NUDT14: variants seen among roughly 807,000 people sequenced by gnomAD.
NUDT14 encodes nudix hydrolase 14.
NUDT14 carries 22 observed loss-of-function variants against 17.5 expected under a neutral mutation model. The ratio of observed to expected loss-of-function variants is 1.26; its 90% CI spans 0.90 to 1.80. The LOEUF (loss-of-function observed/expected upper bound fraction) is 1.80, where lower values mean the gene tolerates loss of function less well. NUDT14 is among the 40% of genes most tolerant of loss of function. NUDT14 has a pLI of 0.00. For missense variants in NUDT14, 296 were observed against 295.6 expected, an observed-to-expected ratio of 1.00 and a Z score of -0.01; for synonymous variants, 129 against 125.8, an observed-to-expected ratio of 1.03 and a Z score of -0.17.
intron 2 of NUDT14, 161 bp from the exon 3 acceptor site, chr14:105,177,188 G>A (rs1595200341): frequency 1.5e-6 from 1 of 682,712 alleles, no homozygotes; most frequent in Non-Finnish European, 2.6e-6. Context: ...GCCCAGGCGG[G>A]ACCAGAGCTT....
In NUDT14 at chr14:105,181,227, CGGG is replaced by C. The variant is rs1417594977; in HGVS notation, c.-21_-19del. On this transcript the variant is annotated 5_prime_UTR_variant, in exon 1 of 5. Coordinates refer to ENST00000392568, the MANE Select transcript of NUDT14 (RefSeq NM_177533.5). This position sits in a 1 kb window ranked among gnomAD's most constrained non-coding sequence, Gnocchi z 5.0. ...CGCTCCATGGCGGCGCCCGGACAGG[CGGG>C]GGCCGCGAGCTCTGCGGGGGCCGAC... is the stretch of plus-strand genomic sequence containing the variant. 2.7e-3 allele frequency: 701 copies of C among 262,064 alleles called. 3 individuals carry two copies. Among genetic ancestry groups the C allele is most frequent in the Non-Finnish European group, 3.2e-3 (668 of 210,154 alleles). 16.2% of individuals were successfully genotyped at this position (262,064 alleles called of 1,614,324 possible). A position where few individuals can be genotyped will look rare whatever the true frequency, so the allele number is the denominator to read the frequency against.
intron 1 of NUDT14, 158 bp from the exon 2 acceptor site, chr14:105,177,893 G>A: frequency 1.6e-6 from 1 of 634,566 alleles, no homozygotes; most frequent in South Asian, 1.8e-5. Flanking sequence ...CGTGGGCAGA[G>A]GAGCAAGCAG....
At chr14:105,177,758 T>C in intron 1 of NUDT14, 23 bp from the exon 2 acceptor site, 1 of 1,610,896 alleles carries the variant, frequency 6.2e-7, no homozygotes, top group Non-Finnish European at 8.5e-7. Context: ...GGTCAGCGGT[T>C]AGAATGTCCC....
chr14:105,176,810 G>C (rs1595200015), intron 3 of NUDT14, 39 bp from the exon 4 acceptor site: 6 of 1,594,444 alleles, frequency 3.8e-6, no homozygotes, highest in South Asian at 1.1e-5. Flanking sequence ...ACAGCCACGT[G>C]GTGGCCACCT....
At chr14:105,176,488 C>T (rs1595199668) in intron 4 of NUDT14, 46 bp downstream of exon 4, 2 of 1,464,286 alleles carry the variant, frequency 1.4e-6, no homozygotes, top group African/African-American at 2.8e-5. Flanking sequence ...CACTCTCTCC[C>T]ATCTCCTGAG....
At chr14:105,178,867 C>T (rs587725616) in intron 1 of NUDT14, among the ~76,000 whole-genome samples, 3 of 152,298 alleles carry the variant, frequency 2.0e-5, no homozygotes, top group African/African-American at 7.2e-5. Context: ...GAGGCAAAGG[C>T]GTCCTGGGAG....
At position 105,176,767 on chromosome 14, in the gene NUDT14, C is replaced by T; in HGVS notation, c.195G>A (p.Val65=). The change falls in exon 4 of 5, where the codon GTG becomes GTA. Residue 65 remains valine, a synonymous_variant. Transcript: ENST00000392568. ...AGCGGCGCTCCACCTCACCCGCATA[C>T]ACAGCTGCGTGGGAAGAAGCCAGAC... is the stretch of plus-strand genomic sequence containing the variant. ...LVLVKQFRPA[V]YAGEVERRFP... The T allele has an allele frequency of 6.2e-7, 1 of 1,612,076 alleles. No individual in the cohort carries two copies. The highest frequency in any genetic ancestry group is 8.5e-7 in the Non-Finnish European group (1 of 1,179,662).
chr14:105,181,079 TGGGCCGGGCCGCCGGCGGGGGCGC>T lies in NUDT14; in HGVS notation c.81+26_81+49del. On this transcript the variant is annotated intron_variant, in intron 1 of 4. Transcript: ENST00000392568. This position sits in a 1 kb window ranked among gnomAD's most constrained non-coding sequence, Gnocchi z 5.0. ...AAGATGGTGGGCGGGGCGCGGGTCG[TGGGCCGGGCCGCCGGCGGGGGCGC>T]GGGGGACGCGGGGGCGCGGGCTCAC... 1.7e-6 allele frequency: 1 copy of T among 575,292 alleles called. No individual in the cohort carries two copies. Among genetic ancestry groups the T allele is most frequent in the Non-Finnish European group, 2.2e-6 (1 of 449,950 alleles). 35.6% of individuals were successfully genotyped at this position (575,292 alleles called of 1,614,324 possible). A position where few individuals can be genotyped will look rare whatever the true frequency, so the allele number is the denominator to read the frequency against.
chr14:105,177,082 C>A, intron 2 of NUDT14, 55 bp from the exon 3 acceptor site: 1 of 1,539,314 alleles, frequency 6.5e-7, no homozygotes, highest in Non-Finnish European at 8.9e-7. Context: ...CCTCGTGGGG[C>A]CCCACCTCCC....
rs754909901 is a variant in NUDT14, at chr14:105,173,107, C to A, written c.583G>T (p.Asp195Tyr). 1.9e-6 allele frequency: 3 copies of A among 1,591,468 alleles called. No homozygotes were observed. The highest frequency in any genetic ancestry group is 1.1e-5 in the South Asian group (1 of 87,822). Residue 195 changes from aspartate (D) to tyrosine (Y), a missense_variant, in exon 5 of 5, where the codon GAC becomes TAC. Coordinates refer to ENST00000392568, the MANE Select transcript of NUDT14 (RefSeq NM_177533.5). This position sits in a 1 kb window ranked among gnomAD's most constrained non-coding sequence, Gnocchi z 4.7. The stretch of plus-strand genomic sequence containing the variant: ...CCGAGGGTCTTGGGGATGTCCGGGT[C>A]GTCTGCAAAGGCCTGGGCGCCTTCC... Reference protein sequence around the residue: ...PLEGAQAFADDPDIPKTLGVI... With the variant: ...PLEGAQAFADYPDIPKTLGVI...
chr14:105,176,546 AC>A lies in NUDT14; in HGVS notation c.415del (p.Val139SerfsTer10). 1 of 1,612,332 alleles carries A rather than the reference AC, an allele frequency of 6.2e-7. No homozygotes were observed. The highest frequency in any genetic ancestry group is 8.5e-7 in the Non-Finnish European group (1 of 1,179,716). ...YHLAPSDLRR[V>X]ATYWSGVGLT... ...TGGTCCCACTCACCAGTATGTGGCG[AC>A]CCGGCGCAGATCAGAGGGGGCCAAG... On this transcript the variant is annotated frameshift_variant, in exon 4 of 5. Transcript: ENST00000392568. LOFTEE classifies it high-confidence loss of function.
In NUDT14 at chr14:105,177,075, C is replaced by G. The variant is rs201633672; in HGVS notation, c.126-48G>C. Reference sequence around the variant, plus strand: ...AGCACAGAAGCACTCCACTGGCCCTCGTGGGGCCCCACCTCCCATCTTTCT... The same window carrying G: ...AGCACAGAAGCACTCCACTGGCCCTGGTGGGGCCCCACCTCCCATCTTTCT... On this transcript the variant is annotated intron_variant, in intron 2 of 4. Transcript: ENST00000392568. The G allele has an allele frequency of 4.5e-6, 7 of 1,571,584 alleles. No individual in the cohort carries two copies. The South Asian group carries it at 6.8e-5, about 15-fold the overall frequency.
intron 4 of NUDT14, chr14:105,175,936 C>T: frequency 8.0e-7 from 1 of 1,254,562 alleles, no homozygotes; most frequent in Non-Finnish European, 1.0e-6. Flanking sequence ...TCTGTGACAC[C>T]CTCCTCCTTC....
intron 1 of NUDT14, among the ~76,000 whole-genome samples, chr14:105,178,159 T>C (rs1344256642): frequency 1.3e-5 from 2 of 151,782 alleles, no homozygotes; most frequent in Non-Finnish European, 2.9e-5. Context: ...GTTTTCCTGC[T>C]GATGCTTCCT....
At chr14:105,175,135 G>A (rs1001969009) in intron 4 of NUDT14, among the ~76,000 whole-genome samples, 5 of 152,164 alleles carry the variant, frequency 3.3e-5, no homozygotes, top group African/African-American at 7.2e-5. Context: ...GAACCACCGC[G>A]GCCAGGGCTG....
Position 105,177,809 on chromosome 14 carries a change from A to G in NUDT14, c.82-74T>C, listed in dbSNP as rs1889248579. On this transcript the variant is annotated intron_variant, in intron 1 of 4. Coordinates refer to ENST00000392568, the MANE Select transcript of NUDT14 (RefSeq NM_177533.5). ...GCTCGGGGAACCGAGGAGGCCACAG[A>G]CCCATTGCACCCACTCCTAACCAGG... 3.6e-6 allele frequency: 5 copies of G among 1,406,192 alleles called. No homozygotes were observed. The Admixed American group carries it at 6.8e-5, about 19-fold the overall frequency. The allele number at this position is 1,406,192 out of a possible 1,614,324, so 87.1% of individuals were successfully genotyped here. A position where few individuals can be genotyped will look rare whatever the true frequency, so the allele number is the denominator to read the frequency against.
At chr14:105,176,481 T>A (rs1407483419) in intron 4 of NUDT14, 53 bp downstream of exon 4, 1 of 1,414,396 alleles carries the variant, frequency 7.1e-7, no homozygotes, top group East Asian at 2.3e-5. Flanking sequence ...GGGCCCTCAC[T>A]CTCTCCCATC....
chr14:105,178,665 C>T (rs1889267787), intron 1 of NUDT14, among the ~76,000 whole-genome samples: 1 of 152,210 alleles, frequency 6.6e-6, no homozygotes, highest in African/African-American at 2.4e-5. Context: ...AGGCCAGCTG[C>T]TCATCCCCCA....
intron 2 of NUDT14, chr14:105,177,277 C>A: frequency 1.6e-6 from 1 of 639,552 alleles, no homozygotes; most frequent in Admixed American, 2.3e-5. Flanking sequence ...CAGGGAAGGA[C>A]ACACGGGCAG....
Sources: allele counts gnomAD v4.1 joint callset (sites outside exome capture counted in the v4.1 genomes callset), GRCh38; gene constraint gnomAD v4.1.1; non-coding constraint Gnocchi (gnomAD v3.1); transcripts MANE v1.5; gene names NCBI Gene and HGNC (gene_info 2026-07-23, HGNC 2026-07-21).